Variants in CCDC186 observed in about 807,000 individuals in gnomAD.
CCDC186 encodes coiled-coil domain containing 186, also known as coiled-coil domain-containing protein 186.
Under a neutral mutation model 113.7 loss-of-function variants are expected in CCDC186, and 49 were observed. The ratio of observed to expected loss-of-function variants is 0.43; its 90% CI spans 0.34 to 0.55. CCDC186 has a LOEUF of 0.55. Ranked by LOEUF, CCDC186 falls within the 20% of genes least tolerant of loss-of-function variation. The pLI, the probability that CCDC186 is intolerant of heterozygous loss-of-function variation, is 0.02. For missense variants in CCDC186, 890 were observed against 1,011.1 expected (o/e 0.88, Z 1.62); for synonymous variants, 355 against 345.8 (o/e 1.03, Z -0.30).
intron 7 of CCDC186, 56 bp downstream of exon 7, chr10:114,137,130 A>G (rs1328279273): frequency 6.7e-6 from 9 of 1,341,898 alleles, no homozygotes; most frequent in Non-Finnish European, 9.5e-6. Flanking sequence ...AAAGAAAAAG[A>G]GAGAACTGAT....
chr10:114,155,988 A>G (rs1371437181), intron 3 of CCDC186, among the ~76,000 whole-genome samples: 1 of 151,850 alleles, frequency 6.6e-6, no homozygotes, highest in East Asian at 1.9e-4. Context: ...AACAACAACA[A>G]AAAAAGCCCA....
chr10:114,145,902 T>C, intron 4 of CCDC186, 141 bp from the exon 5 acceptor site: 1 of 753,510 alleles, frequency 1.3e-6, no homozygotes. Flanking sequence ...TGCCATGAAA[T>C]TTTAAAATGA....
intron 3 of CCDC186, among the ~76,000 whole-genome samples, chr10:114,155,548 C>T (rs1274912445): frequency 1.3e-5 from 2 of 151,914 alleles, no homozygotes; most frequent in Non-Finnish European, 2.9e-5. Context: ...GGTGGCGGGC[C>T]CCTGTAATCC....
intron 1 of CCDC186, among the ~76,000 whole-genome samples, chr10:114,172,421 C>A (rs2032518972): frequency 6.6e-6 from 1 of 152,202 alleles, no homozygotes; most frequent in Non-Finnish European, 1.5e-5. Context: ...CATTAAAGGA[C>A]AACTCTACTT....
intron 4 of CCDC186, among the ~76,000 whole-genome samples, chr10:114,150,458 A>G (rs2031818346): frequency 6.6e-6 from 1 of 152,328 alleles, no homozygotes; most frequent in African/African-American, 2.4e-5. Context: ...ACAAATAAAC[A>G]TGTGTGACTT....
At chr10:114,139,700 A>C (rs2119744251) in intron 6 of CCDC186, among the ~76,000 whole-genome samples, 1 of 152,304 alleles carries the variant, frequency 6.6e-6, no homozygotes, top group East Asian at 1.9e-4. Flanking sequence ...GACTTGTATT[A>C]AAACTTAGTA....
chr10:114,161,290 G>A (rs544294640), intron 2 of CCDC186, among the ~76,000 whole-genome samples: 11 of 152,268 alleles, frequency 7.2e-5, no homozygotes, highest in Non-Finnish European at 1.5e-4. Context: ...CTCTCTCTGC[G>A]CTTCAGGTAA....
At chr10:114,169,258 T>TCC (rs1487860615) in intron 1 of CCDC186, among the ~76,000 whole-genome samples, 13 of 137,950 alleles carry the variant, frequency 9.4e-5, no homozygotes, top group African/African-American at 2.6e-4. Flanking sequence ...TTTTTTTTTT[T>TCC]CTTAAAAATG....
At chr10:114,128,973 G>C (rs1358954408) in intron 13 of CCDC186, among the ~76,000 whole-genome samples, 1 of 152,148 alleles carries the variant, frequency 6.6e-6, no homozygotes, top group Middle Eastern at 3.2e-3. Flanking sequence ...AAACGGAAGA[G>C]GAAGCTGTTG....
intron 15 of CCDC186, among the ~76,000 whole-genome samples, chr10:114,125,438 C>T (rs1264672150): frequency 6.6e-6 from 1 of 152,118 alleles, no homozygotes; most frequent in Admixed American, 6.5e-5. Context: ...ACTGAAGCTA[C>T]AGCAATTTTT....
Position 114,144,617 on chromosome 10 carries a change from C to T in CCDC186, c.1102-1G>A. On this transcript the variant is annotated splice_acceptor_variant, in intron 5 of 15. Transcript: ENST00000369287. LOFTEE classifies it high-confidence loss of function. The stretch of plus-strand genomic sequence containing the variant: ...TGATGAGTCTAGTCGTTTCGCCTTC[C>T]TAAAATAATATCACTAGGTCATATA... 6.2e-7 allele frequency: 1 copy of T among 1,604,374 alleles called. No homozygotes were observed. Among genetic ancestry groups the T allele is most frequent in the Non-Finnish European group, 8.5e-7 (1 of 1,174,244 alleles).
chr10:114,127,100 C>T (rs551631002), intron 14 of CCDC186, among the ~76,000 whole-genome samples: 19 of 152,294 alleles, frequency 1.2e-4, no homozygotes, highest in African/African-American at 4.3e-4. Flanking sequence ...AATTATCCCA[C>T]TACATCCTAC....
At chr10:114,150,979 A>G (rs773221290) in intron 4 of CCDC186, 113 bp downstream of exon 4, 9 of 1,226,080 alleles carry the variant, frequency 7.3e-6, no homozygotes, top group Non-Finnish European at 1.0e-5. Context: ...TAAAAGAATC[A>G]CCTAGTATTA....
intron 2 of CCDC186, among the ~76,000 whole-genome samples, chr10:114,160,189 G>C (rs932586117): frequency 1.3e-5 from 2 of 151,316 alleles, no homozygotes; most frequent in Non-Finnish European, 2.9e-5. Flanking sequence ...AGAATTGCTT[G>C]AATCCAGGAG....
chr10:114,136,827 CAA>C (rs1196570856), intron 7 of CCDC186, among the ~76,000 whole-genome samples: 1 of 152,064 alleles, frequency 6.6e-6, no homozygotes, highest in Non-Finnish European at 1.5e-5. Flanking sequence ...TTTAATGAAA[CAA>C]GAGAACTGGC....
At position 114,157,590 on chromosome 10, in the gene CCDC186, T is replaced by C. The variant is rs141916798; in HGVS notation, c.723A>G (p.Thr241=). 199 of 1,611,416 alleles carry C rather than the reference T, an allele frequency of 1.2e-4. 1 individual carries two copies. The highest frequency in any genetic ancestry group is 2.7e-5 in the Non-Finnish European group (32 of 1,179,354). Reference sequence around the variant, plus strand: ...TGTTCATATGCTGCTTCTCAGTTTCTGTTCTTTTCTTTAGTTCTTCTCTTA... The same window carrying C: ...TGTTCATATGCTGCTTCTCAGTTTCCGTTCTTTTCTTTAGTTCTTCTCTTA... ...DNLREELKKR[T]ETEKQHMNTI... is the part of the protein sequence containing the mutation. Residue 241 remains threonine (T), a synonymous_variant, in exon 3 of 16, where the codon ACA becomes ACG. Transcript: ENST00000369287.
chr10:114,171,770 A>G (rs963928077), intron 1 of CCDC186, among the ~76,000 whole-genome samples: 2 of 152,190 alleles, frequency 1.3e-5, no homozygotes, highest in Admixed American at 6.5e-5. Flanking sequence ...AGTCTACATA[A>G]TCCCACAATT....
At chr10:114,126,176 C>T in intron 14 of CCDC186, 71 bp from the exon 15 acceptor site, 1 of 1,156,858 alleles carries the variant, frequency 8.6e-7, no homozygotes. Flanking sequence ...CAAAAGTCAA[C>T]TAATCATAAA....
intron 3 of CCDC186, among the ~76,000 whole-genome samples, chr10:114,156,056 T>G (rs989859627): frequency 6.6e-6 from 1 of 152,210 alleles, no homozygotes; most frequent in Admixed American, 6.5e-5. Context: ...GGTCTGAAGT[T>G]TCTGGTCATT....
Sources: gnomAD v4.1 joint callset for allele counts (sites outside exome capture counted in the v4.1 genomes callset) on GRCh38, gnomAD v4.1.1 for gene constraint, MANE v1.5 for transcripts, NCBI Gene and HGNC (gene_info 2026-07-23, HGNC 2026-07-21) for gene names.